Variants in FOXN3 observed in about 807,000 individuals in gnomAD.
FOXN3 encodes the protein forkhead box N3.
A neutral mutation model predicts 38.4 loss-of-function variants in FOXN3; 7 were observed. The observed-to-expected ratio is 0.18, with a 90% CI of 0.10 to 0.34. The LOEUF is 0.34. FOXN3 is among the 10% of genes least tolerant of loss of function. FOXN3 has a pLI of 1.00. For missense variants in FOXN3, 456 were observed against 613.4 expected, an observed-to-expected ratio of 0.74 and a Z score of 2.71; for synonymous variants, 230 against 242.2, an observed-to-expected ratio of 0.95 and a Z score of 0.47.
At chr14:89,488,505 A>AAAATAGGTGTGGTGGTAC (rs1893499524) in intron 1 of FOXN3, among the ~76,000 whole-genome samples, 2 of 151,958 alleles carry the variant, frequency 1.3e-5, no homozygotes, top group South Asian at 4.2e-4. Flanking sequence ...ACAAAACAAA[A>AAAATAGGTGTGGTGGTAC]AAATAGGTGT....
chr14:89,215,174 A>G (rs1387624037), intron 4 of FOXN3, among the ~76,000 whole-genome samples: 1 of 148,476 alleles, frequency 6.7e-6, no homozygotes, highest in Non-Finnish European at 1.5e-5. Context: ...TACAGTTTAG[A>G]GATTCTATTT....
intron 3 of FOXN3, among the ~76,000 whole-genome samples, chr14:89,325,192 C>T (rs1314229048): frequency 6.6e-6 from 1 of 151,436 alleles, no homozygotes; most frequent in Non-Finnish European, 1.5e-5. Context: ...GCTCCTGCTC[C>T]CATGCCCATG....
chr14:89,201,419 G>A (rs1449219912), intron 4 of FOXN3, among the ~76,000 whole-genome samples: 1 of 152,210 alleles, frequency 6.6e-6, no homozygotes, highest in Non-Finnish European at 1.5e-5. Context: ...TTCATCCAGT[G>A]TTACAGCTGA....
chr14:89,443,266 G>A (rs1278405842), intron 1 of FOXN3, among the ~76,000 whole-genome samples: 1 of 152,222 alleles, frequency 6.6e-6, no homozygotes, highest in Non-Finnish European at 1.5e-5. Context: ...AAGGGAAAGA[G>A]GTCCTCCCTT....
At chr14:89,256,005 AG>A (rs1566940147) in intron 4 of FOXN3, among the ~76,000 whole-genome samples, 1 of 152,122 alleles carries the variant, frequency 6.6e-6, no homozygotes, top group Non-Finnish European at 1.5e-5. Context: ...GTAAGTCTAG[AG>A]GGCAGGGTGG....
intron 2 of FOXN3, among the ~76,000 whole-genome samples, chr14:89,389,874 C>T (rs1338152481): frequency 6.6e-6 from 1 of 152,010 alleles, no homozygotes; most frequent in African/African-American, 2.4e-5. Context: ...AGGCTCTTTA[C>T]AACTACAAAA....
At chr14:89,393,299 G>A (rs1891008064) in intron 2 of FOXN3, among the ~76,000 whole-genome samples, 1 of 152,178 alleles carries the variant, frequency 6.6e-6, no homozygotes, top group African/African-American at 2.4e-5. Flanking sequence ...CCCTGATCCA[G>A]TGTGACCTCA....
At chr14:89,294,322 G>A (rs529578370) in intron 3 of FOXN3, among the ~76,000 whole-genome samples, 1 of 152,288 alleles carries the variant, frequency 6.6e-6, no homozygotes, top group East Asian at 1.9e-4. Context: ...TATCAGGGGT[G>A]GGGGAATGGT....
intron 1 of FOXN3, among the ~76,000 whole-genome samples, chr14:89,514,295 A>C (rs1894159191): frequency 6.6e-6 from 1 of 152,184 alleles, no homozygotes; most frequent in Non-Finnish European, 1.5e-5. Context: ...GGCAGGTCTC[A>C]AAGGGAACTG....
intron 1 of FOXN3, among the ~76,000 whole-genome samples, chr14:89,427,301 CTTTTTTTTTTTTT>C (rs34755821): frequency 1.5e-5 from 1 of 67,744 alleles, no homozygotes; most frequent in African/African-American, 6.0e-5. Flanking sequence ...GAAAAGGGGA[CTTTTTTTTTTTTT>C]TTTTTTTTTG....
At chr14:89,534,260 C>T (rs1217069628) in intron 1 of FOXN3, among the ~76,000 whole-genome samples, 3 of 151,818 alleles carry the variant, frequency 2.0e-5, no homozygotes, top group Admixed American at 6.6e-5. Context: ...TGCGCACCAC[C>T]ACACCCAGCT....
chr14:89,229,541 G>A (rs1884743923), intron 4 of FOXN3, among the ~76,000 whole-genome samples: 1 of 152,190 alleles, frequency 6.6e-6, no homozygotes, highest in South Asian at 2.1e-4. Flanking sequence ...CACCCTAGTT[G>A]CAGAAGTTAG....
intron 1 of FOXN3, among the ~76,000 whole-genome samples, chr14:89,600,819 A>AT (rs1896139830): frequency 6.6e-6 from 1 of 152,184 alleles, no homozygotes; most frequent in South Asian, 2.1e-4. Context: ...CAAGAGAGAA[A>AT]TTTTTCTGAA....
At chr14:89,617,260 G>T (rs1353953520) in intron 1 of FOXN3, among the ~76,000 whole-genome samples, 5 of 152,320 alleles carry the variant, frequency 3.3e-5, no homozygotes, top group African/African-American at 1.2e-4. Context: ...AAATGAAGAT[G>T]TTCATGGGCT....
At chr14:89,443,366 C>A (rs1288518486) in intron 1 of FOXN3, among the ~76,000 whole-genome samples, 1 of 152,120 alleles carries the variant, frequency 6.6e-6, no homozygotes, top group Non-Finnish European at 1.5e-5. Flanking sequence ...TTTATGGAGC[C>A]CCTGGGACAG....
intron 1 of FOXN3, among the ~76,000 whole-genome samples, chr14:89,521,641 T>C (rs11626532): frequency 0.4 from 60,238 of 151,864 alleles, 12,137 homozygotes; most frequent in Non-Finnish European, 0.43. Context: ...TAAAGAAATA[T>C]ATTTTCATGT....
At chr14:89,421,349 T>C (rs1468446890), upstream of FOXN3, among the ~76,000 whole-genome samples, 6 of 150,968 alleles carry the variant, frequency 4.0e-5, no homozygotes, top group Non-Finnish European at 4.4e-5. Context: ...GGTTTCTCCA[T>C]GTTGGTCAGG....
intron 1 of FOXN3, among the ~76,000 whole-genome samples, chr14:89,499,667 C>T (rs541510584): frequency 1.3e-5 from 2 of 152,044 alleles, no homozygotes; most frequent in Admixed American, 6.6e-5. Context: ...TAAGGTAAAT[C>T]GAGAGGAACT....
intron 2 of FOXN3, among the ~76,000 whole-genome samples, chr14:89,393,658 C>G (rs1334275249): frequency 2.0e-5 from 3 of 152,118 alleles, no homozygotes; most frequent in Non-Finnish European, 4.4e-5. Context: ...ACACTTCACA[C>G]AGAGGGAAAA....
Sources: allele counts gnomAD v4.1 joint callset (sites outside exome capture counted in the v4.1 genomes callset), GRCh38; gene constraint gnomAD v4.1.1; transcripts MANE v1.5; gene names NCBI Gene and HGNC (gene_info 2026-07-23, HGNC 2026-07-21).